SYK: variants seen among roughly 807,000 people sequenced by gnomAD.
SYK encodes tyrosine-protein kinase SYK.
Under a neutral mutation model 77.8 loss-of-function variants are expected in SYK, and 16 were observed. The observed-to-expected ratio is 0.21, with a 90% CI of 0.14 to 0.31. The LOEUF (loss-of-function observed/expected upper bound fraction) is 0.31. Ranked by LOEUF, SYK falls within the 10% of genes least tolerant of loss-of-function variation. The probability of loss-of-function intolerance (pLI) is 1.00; values close to 1 mark genes in which losing one functional copy is unlikely to be tolerated. For synonymous variants in SYK, 312 were observed against 308.7 expected, an observed-to-expected ratio of 1.01 and a Z score of -0.11; for missense variants, 529 against 814.4, an observed-to-expected ratio of 0.65 and a Z score of 4.26.
chr9:90,884,303 A>ATACACACATAT (rs1828323073), intron 11 of SYK, among the ~76,000 whole-genome samples: 2 of 147,706 alleles, frequency 1.4e-5, no homozygotes, highest in South Asian at 4.4e-4. Context: ...ACGTGTATAT[A>ATACACACATAT]TACACACATA....
chr9:90,855,685 T>G (rs200802839), intron 3 of SYK, among the ~76,000 whole-genome samples: 16 of 146,722 alleles, frequency 1.1e-4, no homozygotes, highest in Admixed American at 1.4e-4. Flanking sequence ...TGTGTGTGTG[T>G]GTGGGTGTGT....
intron 1 of SYK, among the ~76,000 whole-genome samples, chr9:90,813,932 G>A (rs898762584): frequency 9.2e-5 from 14 of 152,180 alleles, no homozygotes; most frequent in East Asian, 1.9e-4. Context: ...TCACTCCCCC[G>A]GGGGGCATCT....
intron 1 of SYK, chr9:90,827,575 G>C (rs1825703034): frequency 6.6e-6 from 1 of 152,242 alleles, no homozygotes; most frequent in Admixed American, 6.5e-5. Context: ...ATCCAGGAAA[G>C]GGAGGTAGGT....
rs192428363 is a variant in SYK, at chr9:90,822,121, A to G, written c.-42+20228A>G. 2.6e-5 allele frequency among the ~76,000 whole-genome samples: 4 copies of G among 152,364 alleles called. No homozygotes were observed. The East Asian group carries it at 7.7e-4, about 29-fold the overall frequency. The stretch of plus-strand genomic sequence containing the variant: ...TTTTGGGGGTGACTTTGTGGAATGT[A>G]TAACCTGAAATAATGAGAATAAACT... On this transcript the variant is annotated intron_variant, in intron 1 of 13. Transcript: ENST00000375754.
intron 1 of SYK, among the ~76,000 whole-genome samples, chr9:90,803,736 C>T (rs2118226830): frequency 6.6e-6 from 1 of 152,094 alleles, no homozygotes; most frequent in East Asian, 1.9e-4. Context: ...GGAATTCAAG[C>T]TTTTTCAGAA....
chr9:90,888,903 G>A (rs1828682779), intron 13 of SYK, among the ~76,000 whole-genome samples: 1 of 152,182 alleles, frequency 6.6e-6, no homozygotes, highest in Non-Finnish European at 1.5e-5. Context: ...TGGGGCAAGG[G>A]CAGTCAAAGT....
intron 1 of SYK, among the ~76,000 whole-genome samples, chr9:90,819,599 T>C (rs754784062): frequency 6.6e-6 from 1 of 152,178 alleles, no homozygotes; most frequent in East Asian, 1.9e-4. Flanking sequence ...ATTACAAGAA[T>C]AGCATGGAAA....
intron 3 of SYK, among the ~76,000 whole-genome samples, chr9:90,857,774 A>G (rs758070281): frequency 2.0e-5 from 3 of 152,102 alleles, no homozygotes; most frequent in Non-Finnish European, 2.9e-5. Flanking sequence ...CTGAGTGAGA[A>G]CTGCCCACCC....
At chr9:90,817,990 C>T (rs771965618) in intron 1 of SYK, among the ~76,000 whole-genome samples, 20 of 152,136 alleles carry the variant, frequency 1.3e-4, no homozygotes, top group Admixed American at 4.6e-4. Context: ...CTCTCTTCAA[C>T]ACTCTAAGAA....
chr9:90,805,782 A>G (rs1446515913), intron 1 of SYK, among the ~76,000 whole-genome samples: 1 of 152,174 alleles, frequency 6.6e-6, no homozygotes, highest in Non-Finnish European at 1.5e-5. Flanking sequence ...GTTTAATTTT[A>G]ATTTGTAATG....
intron 7 of SYK, among the ~76,000 whole-genome samples, chr9:90,869,547 G>C (rs912397022): frequency 6.6e-6 from 1 of 152,174 alleles, no homozygotes; most frequent in Non-Finnish European, 1.5e-5. Flanking sequence ...AATCAGTCAT[G>C]AGAAAAGAAT....
At chr9:90,894,017 T>C (rs987265051) in intron 13 of SYK, among the ~76,000 whole-genome samples, 2 of 152,198 alleles carry the variant, frequency 1.3e-5, no homozygotes, top group Non-Finnish European at 2.9e-5. Context: ...AGAGATTTCC[T>C]AGGAGACCTG....
At position 90,896,326 on chromosome 9, in the gene SYK, C is replaced by T. The variant is rs1828986049; in HGVS notation, c.*726C>T. 4.3e-6 allele frequency: 1 copy of T among 233,176 alleles called. No individual in the cohort carries two copies. The highest frequency in any genetic ancestry group is 8.5e-6 in the Non-Finnish European group (1 of 118,046). 14.4% of individuals were successfully genotyped at this position (233,176 alleles called of 1,614,324 possible). A position where few individuals can be genotyped will look rare whatever the true frequency, so the allele number is the denominator to read the frequency against. ...CTTGGCTTACTTTCCCCCTGAAATC[C>T]TCTCTCCTGCAGACTGTCTTGAAGA... On this transcript the variant is annotated 3_prime_UTR_variant, in exon 14 of 14. Transcript: ENST00000375754.
At chr9:90,858,865 C>A (rs1246725679) in intron 3 of SYK, among the ~76,000 whole-genome samples, 4 of 152,174 alleles carry the variant, frequency 2.6e-5, no homozygotes, top group South Asian at 4.1e-4. Context: ...ACTACCTATA[C>A]CTTCCAGTTA....
chr9:90,825,316 A>G lies in SYK; in HGVS notation c.-41-18542A>G, dbSNP rs1005110764. ...TCTGCCAAGCTTGATCTGTAGATTC[A>G]ACCCAATCCCAATCAAAATCCCAGC... On this transcript the variant is annotated intron_variant, in intron 1 of 13. Transcript: ENST00000375754. 2.0e-5 allele frequency among the ~76,000 whole-genome samples: 3 copies of G among 152,218 alleles called. No homozygotes were observed. The South Asian group carries it at 6.2e-4, about 32-fold the overall frequency.
chr9:90,838,529 G>C (rs1826171400), intron 1 of SYK, among the ~76,000 whole-genome samples: 1 of 152,170 alleles, frequency 6.6e-6, no homozygotes, highest in East Asian at 1.9e-4. Flanking sequence ...CAAGGGATTT[G>C]CAGTGTTTTC....
chr9:90,886,947 T>C (rs1828601117), intron 11 of SYK, among the ~76,000 whole-genome samples: 1 of 152,006 alleles, frequency 6.6e-6, no homozygotes, highest in East Asian at 1.9e-4. Context: ...CCTCTAGAGG[T>C]GTTCACTGGT....
At chr9:90,824,042 C>T (rs928759032) in intron 1 of SYK, among the ~76,000 whole-genome samples, 1 of 151,492 alleles carries the variant, frequency 6.6e-6, no homozygotes, top group Non-Finnish European at 1.5e-5. Context: ...TGCAATTTAC[C>T]AATATCAGAA....
intron 5 of SYK, 106 bp from the exon 6 acceptor site, chr9:90,864,942 C>A: frequency 1.7e-6 from 2 of 1,178,236 alleles, no homozygotes; most frequent in Non-Finnish European, 2.5e-6. Flanking sequence ...GTGCTCACTT[C>A]TCAAGCAGCA....
Sources: allele counts gnomAD v4.1 joint callset (sites outside exome capture counted in the v4.1 genomes callset), GRCh38; gene constraint gnomAD v4.1.1; transcripts MANE v1.5; gene names NCBI Gene and HGNC (gene_info 2026-07-23, HGNC 2026-07-21).